DISP1: variants seen among roughly 807,000 people sequenced by gnomAD.
The protein encoded by DISP1 is protein dispatched homolog 1.
In DISP1, 30 loss-of-function variants were observed where a neutral mutation model predicts 37.3. The observed-to-expected ratio is 0.80, with a 90% CI of 0.60 to 1.09. The LOEUF is 1.09. Among genes scored for constraint, DISP1 ranks in the 50% least tolerant of loss-of-function variants. DISP1 has a pLI of 0.00. For synonymous variants in DISP1, 634 were observed against 690.2 expected, an observed-to-expected ratio of 0.92 and a Z score of 1.28; for missense variants, 1,598 against 1,879.5, an observed-to-expected ratio of 0.85 and a Z score of 2.77.
intron 1 of DISP1, among the ~76,000 whole-genome samples, chr1:222,838,023 A>G (rs577864264): frequency 5.9e-5 from 9 of 152,254 alleles, no homozygotes; most frequent in South Asian, 4.1e-4. Context: ...AGTTTTTCCT[A>G]TTATTTCTCA....
chr1:222,976,042 G>A (rs1010979361), intron 3 of DISP1, among the ~76,000 whole-genome samples: 1 of 152,028 alleles, frequency 6.6e-6, no homozygotes, highest in South Asian at 2.1e-4. Flanking sequence ...AGAAAAAAAC[G>A]CTAAAAACCT....
chr1:222,831,952 A>G (rs910373111), intron 1 of DISP1, among the ~76,000 whole-genome samples: 1 of 152,152 alleles, frequency 6.6e-6, no homozygotes. Context: ...GTTGTGTGCC[A>G]GGTACCAATT....
At chr1:222,853,305 T>C (rs1668373124) in intron 1 of DISP1, among the ~76,000 whole-genome samples, 1 of 152,152 alleles carries the variant, frequency 6.6e-6, no homozygotes, top group Admixed American at 6.6e-5. Context: ...AGTGGGAATG[T>C]AAATTAGTAC....
chr1:222,935,461 T>G (rs1673661934), intron 2 of DISP1, among the ~76,000 whole-genome samples: 1 of 152,182 alleles, frequency 6.6e-6, no homozygotes, highest in Non-Finnish European at 1.5e-5. Flanking sequence ...CATCAGTATG[T>G]GACTTTGAGC....
At chr1:222,956,402 T>A (rs1346213702) in intron 3 of DISP1, among the ~76,000 whole-genome samples, 2 of 152,232 alleles carry the variant, frequency 1.3e-5, no homozygotes, top group Non-Finnish European at 2.9e-5. Context: ...ATCAGATTAA[T>A]GACTGTCTTT....
chr1:222,926,888 CTTG>C (rs1673114637), intron 1 of DISP1, among the ~76,000 whole-genome samples: 1 of 152,240 alleles, frequency 6.6e-6, no homozygotes, highest in African/African-American at 2.4e-5. Flanking sequence ...AGAGGGTAGT[CTTG>C]TTTGAGTGAC....
At chr1:222,867,291 A>G (rs1372739609) in intron 1 of DISP1, among the ~76,000 whole-genome samples, 1 of 152,196 alleles carries the variant, frequency 6.6e-6, no homozygotes, top group Non-Finnish European at 1.5e-5. Context: ...AATAATTGGA[A>G]CTAAGCCAAA....
chr1:222,936,709 A>C (rs1413384581), intron 2 of DISP1, among the ~76,000 whole-genome samples: 2 of 99,750 alleles, frequency 2.0e-5, no homozygotes, highest in African/African-American at 7.6e-5. Flanking sequence ...TATCATATAT[A>C]TTATATATCA....
At chr1:222,951,968 G>A (rs1483061210) in intron 3 of DISP1, among the ~76,000 whole-genome samples, 1 of 152,134 alleles carries the variant, frequency 6.6e-6, no homozygotes, top group Non-Finnish European at 1.5e-5. Flanking sequence ...AAATTTTTAT[G>A]TATAAAGTTT....
intron 1 of DISP1, among the ~76,000 whole-genome samples, chr1:222,844,181 G>A (rs981229599): frequency 1.3e-5 from 2 of 151,830 alleles, no homozygotes; most frequent in Non-Finnish European, 2.9e-5. Flanking sequence ...TGCTTCCTTT[G>A]TTTCTTTTTA....
rs1667983907 is a variant in DISP1, at chr1:222,847,565, C to T, written c.-159+32487C>T. On this transcript the variant is annotated intron_variant, in intron 1 of 8. Coordinates refer to ENST00000675850, the MANE Select transcript of DISP1 (RefSeq NM_001377229.1). The stretch of plus-strand genomic sequence containing the variant: ...ATCTTTATAAATAACTATAAGTTTA[C>T]ACCTATACCTCCAATTCCAATCCAA... Among the ~76,000 whole-genome samples, 3 of 152,144 alleles carry T rather than the reference C, an allele frequency of 2.0e-5. No homozygotes were observed. The South Asian group carries it at 6.2e-4, about 32-fold the overall frequency.
Position 223,003,947 on chromosome 1 carries a change from C to T in DISP1, c.2550C>T (p.Ser850=). Residue 850 remains serine (S), a synonymous_variant, in exon 9 of 9, where the codon AGC becomes AGT. Transcript: ENST00000675850. The surrounding 1 kb of genome is among the most constrained non-coding windows in gnomAD (Gnocchi z 4.3). ...FYQTDEQDFT[S]CFIETFKQWM... The stretch of plus-strand genomic sequence containing the variant: ...AGACTGATGAACAGGACTTCACCAG[C>T]TGCTTCATTGAGACATTCAAACAGT... The T allele has an allele frequency of 1.2e-6, 2 of 1,614,194 alleles. No homozygotes were observed. The highest frequency in any genetic ancestry group is 1.7e-6 in the Non-Finnish European group (2 of 1,180,042).
intron 2 of DISP1, among the ~76,000 whole-genome samples, chr1:222,934,051 T>G (rs115761832): frequency 0.01 from 1,551 of 152,178 alleles, 30 homozygotes; most frequent in African/African-American, 0.035. Context: ...AATGCTGAAT[T>G]GTACCTTTTA....
At chr1:222,912,896 G>A (rs569009485) in intron 1 of DISP1, among the ~76,000 whole-genome samples, 1 of 152,284 alleles carries the variant, frequency 6.6e-6, no homozygotes, top group East Asian at 1.9e-4. Flanking sequence ...TCATGTCTGA[G>A]TATTGACCTG....
At chr1:222,898,643 AT>A (rs1323351719) in intron 1 of DISP1, among the ~76,000 whole-genome samples, 3 of 151,898 alleles carry the variant, frequency 2.0e-5, no homozygotes, top group African/African-American at 7.3e-5. Flanking sequence ...GGCTTGGGGA[AT>A]TTAATAATAA....
rs142813909 is a variant in DISP1 at position 222,840,468 on chromosome 1, C to T, written c.-159+25390C>T. ...TGTTGGCCAGGCTGGTTCTTGAACT[C>T]CTGACCCCAAGTGATCCACCCACTG... On this transcript the variant is annotated intron_variant, in intron 1 of 8. Transcript: ENST00000675850. Among the ~76,000 whole-genome samples, 219 of 152,022 alleles carry T rather than the reference C, an allele frequency of 1.4e-3. 1 individual carries two copies. The highest frequency in any genetic ancestry group is 5.1e-3 in the African/African-American group (211 of 41,470).
Position 223,002,650 on chromosome 1 carries a change from G to A in DISP1, c.1253G>A (p.Cys418Tyr). 1 of 1,614,156 alleles carries A rather than the reference G, an allele frequency of 6.2e-7. No individual in the cohort carries two copies. Among genetic ancestry groups the A allele is most frequent in the South Asian group, 1.1e-5 (1 of 91,074 alleles). ...QLKCTNVPRK[C>Y]TKYNAVYQIL... ...AAGTGCACCAATGTGCCACGCAAATGTACCAAGTACAATGCTGTGTACCAG... is the reference window on the plus strand; with the variant it reads ...AAGTGCACCAATGTGCCACGCAAATATACCAAGTACAATGCTGTGTACCAG... The change falls in exon 9 of 9, where the codon TGT becomes TAT. Residue 418 changes from cysteine to tyrosine, a missense_variant. Cys to Tyr is a radical substitution (Grantham distance 194). Coordinates refer to ENST00000675850, the MANE Select transcript of DISP1 (RefSeq NM_001377229.1).
intron 2 of DISP1, among the ~76,000 whole-genome samples, chr1:222,929,644 A>G (rs927737347): frequency 1.3e-5 from 2 of 152,096 alleles, no homozygotes; most frequent in Non-Finnish European, 2.9e-5. Flanking sequence ...CTGTGTAAAT[A>G]AGCTCTAAAT....
chr1:222,937,941 C>G (rs1674094246), intron 2 of DISP1, among the ~76,000 whole-genome samples: 1 of 151,842 alleles, frequency 6.6e-6, no homozygotes. Flanking sequence ...TGGTGTGTCT[C>G]AAGCTCACCA....
Sources: allele counts gnomAD v4.1 joint callset (sites outside exome capture counted in the v4.1 genomes callset), GRCh38; gene constraint gnomAD v4.1.1; non-coding constraint Gnocchi (gnomAD v3.1); transcripts MANE v1.5; gene names NCBI Gene and HGNC (gene_info 2026-07-23, HGNC 2026-07-21).